Variants in EHMT1 observed in about 807,000 individuals in gnomAD.
EHMT1 encodes the protein histone-lysine N-methyltransferase EHMT1.
EHMT1 carries 15 observed loss-of-function variants against 147.2 expected under a neutral mutation model. The observed-to-expected ratio is 0.10, with a 90% CI of 0.07 to 0.16. EHMT1 has a LOEUF of 0.16. Among genes scored for constraint, EHMT1 ranks in the 10% least tolerant of loss-of-function variants. EHMT1 has a pLI of 1.00. For missense variants in EHMT1, 1,587 were observed against 1,772.4 expected, an observed-to-expected ratio of 0.90 and a Z score of 1.88; for synonymous variants, 795 against 709.6, an observed-to-expected ratio of 1.12 and a Z score of -1.91.
chr9:137,738,120 A>C (rs1947706749), intron 4 of EHMT1, among the ~76,000 whole-genome samples: 2 of 151,146 alleles, frequency 1.3e-5, no homozygotes, highest in Admixed American at 1.3e-4. Context: ...CTTGAACCCG[A>C]GTGGTAGAGG....
intron 4 of EHMT1, among the ~76,000 whole-genome samples, chr9:137,733,982 AG>A (rs1240210850): frequency 6.6e-6 from 1 of 152,234 alleles, no homozygotes. Flanking sequence ...CCCCAAAACC[AG>A]TAACAGCAAC....
intron 1 of EHMT1, among the ~76,000 whole-genome samples, chr9:137,670,575 C>T (rs1432717470): frequency 6.6e-6 from 1 of 152,148 alleles, no homozygotes; most frequent in Non-Finnish European, 1.5e-5. Flanking sequence ...GGTGCTTCTG[C>T]CTTCTGACTT....
chr9:137,686,841 C>T (rs1364521599), intron 1 of EHMT1, among the ~76,000 whole-genome samples: 1 of 151,582 alleles, frequency 6.6e-6, no homozygotes, highest in East Asian at 1.9e-4. Flanking sequence ...TGCCATTCTC[C>T]TGCCTCAGCC....
At chr9:137,683,505 C>T (rs1464778672) in intron 1 of EHMT1, among the ~76,000 whole-genome samples, 1 of 151,876 alleles carries the variant, frequency 6.6e-6, no homozygotes, top group East Asian at 1.9e-4. Flanking sequence ...TGCAGTGGCA[C>T]AATCATGGCT....
intron 1 of EHMT1, among the ~76,000 whole-genome samples, chr9:137,696,073 C>G (rs187491498): frequency 8.6e-6 from 1 of 115,740 alleles, no homozygotes; most frequent in East Asian, 2.6e-4. Context: ...ATTTCTGGGG[C>G]TACTTTGGAT....
At chr9:137,675,328 G>A (rs1478330220) in intron 1 of EHMT1, 1 of 152,218 alleles carries the variant, frequency 6.6e-6, no homozygotes, top group Admixed American at 6.5e-5. Context: ...CCACTGACTT[G>A]AGAATAATGT....
intron 4 of EHMT1, among the ~76,000 whole-genome samples, chr9:137,738,259 C>T (rs1947730196): frequency 2.0e-5 from 3 of 151,522 alleles, no homozygotes; most frequent in African/African-American, 2.4e-5. Context: ...CTGGAATAGA[C>T]GTTTATTCAA....
At chr9:137,770,755 C>T (rs1352063094) in intron 10 of EHMT1, among the ~76,000 whole-genome samples, 1 of 152,226 alleles carries the variant, frequency 6.6e-6, no homozygotes, top group Non-Finnish European at 1.5e-5. Flanking sequence ...TCCCTGCCTC[C>T]TCTGAGCACC....
chr9:137,814,875 T>G, intron 22 of EHMT1: 1 of 414,590 alleles, frequency 2.4e-6, no homozygotes, highest in East Asian at 5.3e-5. Flanking sequence ...AGAGGGAGGG[T>G]GCTGCCGGGC....
chr9:137,734,296 C>T (rs534114661), intron 4 of EHMT1, among the ~76,000 whole-genome samples: 23 of 151,996 alleles, frequency 1.5e-4, no homozygotes, highest in African/African-American at 4.3e-4. Context: ...AGCTAGAAAA[C>T]GTAAAAAGGA....
intron 4 of EHMT1, among the ~76,000 whole-genome samples, chr9:137,740,896 G>A (rs1033641763): frequency 2.6e-5 from 4 of 151,902 alleles, no homozygotes; most frequent in Admixed American, 1.3e-4. Flanking sequence ...TCTGCCTCCC[G>A]GGTTCAAGTG....
In EHMT1 at chr9:137,741,596, A is replaced by G. The variant is rs183765807; in HGVS notation, c.824-1775A>G. On this transcript the variant is annotated intron_variant, in intron 4 of 26. Coordinates refer to ENST00000460843, the MANE Select transcript of EHMT1 (RefSeq NM_024757.5). ...GTTACTGAGATGAAATGAGGAAAAG[A>G]ATCTAGTGAGAAAGTACATGTAGTC... 6.0e-4 allele frequency among the ~76,000 whole-genome samples: 91 copies of G among 152,358 alleles called. 2 individuals are homozygous for G. Among genetic ancestry groups the G allele is most frequent in the Non-Finnish European group, 2.5e-4 (17 of 68,036 alleles).
At chr9:137,622,179 C>G (rs1842979573) in intron 1 of EHMT1, among the ~76,000 whole-genome samples, 1 of 141,066 alleles carries the variant, frequency 7.1e-6, no homozygotes, top group South Asian at 2.3e-4. Flanking sequence ...AGTGCAGTGG[C>G]CCGATCTTGG....
At chr9:137,728,290 G>A in intron 3 of EHMT1, 59 bp from the exon 4 acceptor site, 1 of 1,610,388 alleles carries the variant, frequency 6.2e-7, no homozygotes, top group South Asian at 1.1e-5. Context: ...TTGGTTGCAT[G>A]TTATTTCAGT....
intron 1 of EHMT1, among the ~76,000 whole-genome samples, chr9:137,701,025 C>A (rs1040744690): frequency 4.6e-5 from 7 of 152,156 alleles, no homozygotes; most frequent in African/African-American, 1.7e-4. Flanking sequence ...TTTCACATGG[C>A]TGGCAGGAGA....
At chr9:137,637,150 A>G (rs969597136) in intron 1 of EHMT1, among the ~76,000 whole-genome samples, 8 of 150,252 alleles carry the variant, frequency 5.3e-5, no homozygotes, top group African/African-American at 1.5e-4. Context: ...GCCCGTCTCC[A>G]CCTCCCAAAG....
chr9:137,678,181 CTAAGA>C (rs1293701627), intron 1 of EHMT1, among the ~76,000 whole-genome samples: 1 of 152,106 alleles, frequency 6.6e-6, no homozygotes, highest in African/African-American at 2.4e-5. Flanking sequence ...AAGGGATATA[CTAAGA>C]TGTTTACTGT....
chr9:137,750,885 A>G lies in EHMT1; in HGVS notation c.1171-1446A>G, dbSNP rs1948912454. ...GACTGGGGTATTAAATCAGTGGTCA[A>G]GGGGTCATGAACTTTTTAATAACTA... On this transcript the variant is annotated intron_variant, in intron 6 of 26. Coordinates refer to ENST00000460843, the MANE Select transcript of EHMT1 (RefSeq NM_024757.5). Among the ~76,000 whole-genome samples the G allele has an allele frequency of 2.0e-5, 3 of 152,370 alleles. No individual in the cohort carries two copies. In the South Asian group the frequency reaches 6.2e-4, roughly 32 times the overall value.
intron 10 of EHMT1, chr9:137,764,533 G>A (rs1159107418): frequency 6.6e-6 from 1 of 152,130 alleles, no homozygotes; most frequent in Non-Finnish European, 1.5e-5. Flanking sequence ...ACTACTTACT[G>A]TTTTAAAACA....
Sources: allele counts gnomAD v4.1 joint callset (sites outside exome capture counted in the v4.1 genomes callset), GRCh38; gene constraint gnomAD v4.1.1; transcripts MANE v1.5; gene names NCBI Gene and HGNC (gene_info 2026-07-23, HGNC 2026-07-21).